LNX1: variants seen among roughly 807,000 people sequenced by gnomAD.
LNX1 encodes E3 ubiquitin-protein ligase LNX.
LNX1 carries 54 observed loss-of-function variants against 68.4 expected under a neutral mutation model. The ratio of observed to expected loss-of-function variants is 0.79; its 90% CI spans 0.63 to 0.99. The LOEUF (loss-of-function observed/expected upper bound fraction) is 0.99. Ranked by LOEUF, LNX1 falls within the 50% of genes least tolerant of loss-of-function variation. The pLI is 0.00. For synonymous variants in LNX1, 336 were observed against 350.0 expected (o/e 0.96, Z 0.45); for missense variants, 906 against 926.4 (o/e 0.98, Z 0.29).
At chr4:53,594,646 A>C (rs941548982), upstream of LNX1, among the ~76,000 whole-genome samples, 1 of 152,112 alleles carries the variant, frequency 6.6e-6, no homozygotes, top group African/African-American at 2.4e-5. Flanking sequence ...GCACACTAGC[A>C]GTTGGTTTTA....
intron 4 of LNX1, among the ~76,000 whole-genome samples, chr4:53,502,173 C>T (rs367591653): frequency 1.3e-5 from 2 of 152,146 alleles, no homozygotes; most frequent in East Asian, 3.9e-4. Context: ...TTGAGCTAAG[C>T]TACTTGAATG....
chr4:53,487,503 TAA>T (rs1724386577), intron 6 of LNX1, among the ~76,000 whole-genome samples: 1 of 152,218 alleles, frequency 6.6e-6, no homozygotes, highest in South Asian at 2.1e-4. Flanking sequence ...TTAAGAAAGT[TAA>T]GAGTTGCCAC....
chr4:53,517,865 C>T (rs1726902272), intron 2 of LNX1, among the ~76,000 whole-genome samples: 1 of 152,166 alleles, frequency 6.6e-6, no homozygotes, highest in African/African-American at 2.4e-5. Flanking sequence ...TGGGCAAGTC[C>T]ACCATCTGGT....
chr4:53,501,306 G>T (rs1560630574), intron 4 of LNX1, among the ~76,000 whole-genome samples: 1 of 119,944 alleles, frequency 8.3e-6, no homozygotes, highest in African/African-American at 3.2e-5. Flanking sequence ...TTTTGGGGGT[G>T]GGGGGACAGG....
chr4:53,556,322 C>A (rs1356077831), intron 2 of LNX1, among the ~76,000 whole-genome samples: 1 of 152,174 alleles, frequency 6.6e-6, no homozygotes, highest in Non-Finnish European at 1.5e-5. Context: ...TCCCCTATAG[C>A]CTTCATAGGG....
chr4:53,512,832 T>G (rs1051877456), intron 2 of LNX1, among the ~76,000 whole-genome samples: 2 of 152,136 alleles, frequency 1.3e-5, no homozygotes, highest in African/African-American at 2.4e-5. Flanking sequence ...GAAACTTTGC[T>G]TGAGGTGGGG....
At chr4:53,523,075 C>T (rs1381645239) in intron 2 of LNX1, 19 of 152,086 alleles carry the variant, frequency 1.2e-4, no homozygotes, top group Admixed American at 1.2e-3. Flanking sequence ...TCAATCAATC[C>T]CTGGCAGTGG....
At chr4:53,483,376 A>T (rs1724072216) in intron 6 of LNX1, among the ~76,000 whole-genome samples, 1 of 152,200 alleles carries the variant, frequency 6.6e-6, no homozygotes, top group South Asian at 2.1e-4. Flanking sequence ...AAATACAATG[A>T]TACATTTACA....
intron 2 of LNX1, among the ~76,000 whole-genome samples, chr4:53,546,299 C>A (rs1393267150): frequency 6.6e-6 from 1 of 152,274 alleles, no homozygotes; most frequent in East Asian, 1.9e-4. Context: ...CAAAATTGGT[C>A]GAGGAAATCC....
chr4:53,550,581 A>G (rs1307259796), intron 2 of LNX1, among the ~76,000 whole-genome samples: 2 of 152,240 alleles, frequency 1.3e-5, no homozygotes, highest in Non-Finnish European at 2.9e-5. Context: ...GGAATGGCTA[A>G]CACAGTGAAA....
intron 1 of LNX1, among the ~76,000 whole-genome samples, chr4:53,582,910 A>G (rs1326574004): frequency 6.6e-6 from 1 of 152,078 alleles, no homozygotes; most frequent in African/African-American, 2.4e-5. Flanking sequence ...AGCGCCTGCC[A>G]CTTCTTCAAA....
intron 6 of LNX1, among the ~76,000 whole-genome samples, chr4:53,494,782 G>T (rs575864166): frequency 1.3e-5 from 2 of 152,284 alleles, no homozygotes; most frequent in Non-Finnish European, 2.9e-5. Flanking sequence ...GAATGAATGG[G>T]TTAGAACATA....
At chr4:53,603,601 T>A (rs1317498956) in intron 2 of LNX1, 1 of 152,470 alleles carries the variant, frequency 6.6e-6, no homozygotes, top group Non-Finnish European at 1.5e-5. Context: ...CTTCCAATCA[T>A]GGCAGAAGGC....
At chr4:53,645,853 C>G (rs138379885) in intron 1 of LNX1, among the ~76,000 whole-genome samples, 209 of 152,326 alleles carry the variant, frequency 1.4e-3, no homozygotes, top group African/African-American at 4.8e-3. Context: ...AAATACCAGA[C>G]TCCTGGGCAT....
At chr4:53,601,951 C>A (rs1366196263) in intron 2 of LNX1, among the ~76,000 whole-genome samples, 2 of 152,170 alleles carry the variant, frequency 1.3e-5, no homozygotes, top group African/African-American at 2.4e-5. Context: ...ATCTATACCA[C>A]CAACCCTCCT....
chr4:53,502,454 C>T lies in LNX1; in HGVS notation c.776-3611G>A, dbSNP rs567495593. 6.6e-5 allele frequency among the ~76,000 whole-genome samples: 10 copies of T among 152,292 alleles called. No individual in the cohort carries two copies. The South Asian group carries it at 2.1e-3, about 32-fold the overall frequency. ...ATGTACATATCTCAATTTAAAAATA[C>T]TTTATTGCTAAAACATGCTGTTTAA... On this transcript the variant is annotated intron_variant, in intron 4 of 10. Transcript: ENST00000263925.
intron 9 of LNX1, 76 bp downstream of exon 9, chr4:53,476,677 A>C: frequency 2.9e-5 from 35 of 1,227,452 alleles, no homozygotes; most frequent in Non-Finnish European, 3.4e-5. Context: ...AATCAGCCCT[A>C]GAGAGTGAAA....
intron 2 of LNX1, among the ~76,000 whole-genome samples, chr4:53,523,651 G>T (rs1727407970): frequency 2.0e-5 from 3 of 152,180 alleles, no homozygotes; most frequent in Admixed American, 1.3e-4. Flanking sequence ...CCTATTAGTA[G>T]GAGACTAGGA....
chr4:53,485,758 T>C (rs1375262932), intron 6 of LNX1, among the ~76,000 whole-genome samples: 1 of 152,180 alleles, frequency 6.6e-6, no homozygotes, highest in Non-Finnish European at 1.5e-5. Context: ...CACCAGAGAA[T>C]CTTTCTTTCC....
Sources: gnomAD v4.1 joint callset for allele counts (sites outside exome capture counted in the v4.1 genomes callset) on GRCh38, gnomAD v4.1.1 for gene constraint, MANE v1.5 for transcripts, NCBI Gene and HGNC (gene_info 2026-07-23, HGNC 2026-07-21) for gene names.